Variants in BCAS3 observed in about 807,000 individuals in gnomAD.
BCAS3 encodes the protein BCAS3 microtubule associated cell migration factor.
In BCAS3, 53 loss-of-function variants were observed where a neutral mutation model predicts 116.1. The observed-to-expected ratio is 0.46, with a 90% CI of 0.37 to 0.57. The LOEUF (loss-of-function observed/expected upper bound fraction) is 0.57. Among genes scored for constraint, BCAS3 ranks in the 20% least tolerant of loss-of-function variants. The pLI is 0.00. For synonymous variants in BCAS3, 391 were observed against 408.2 expected (o/e 0.96, Z 0.51); for missense variants, 917 against 1,165.4 (o/e 0.79, Z 3.10).
At chr17:61,067,277 A>AGG (rs2070753180) in intron 19 of BCAS3, among the ~76,000 whole-genome samples, 1 of 82,780 alleles carries the variant, frequency 1.2e-5, no homozygotes, top group Admixed American at 1.1e-4. Context: ...GTATGTGTAT[A>AGG]TATATATATA....
At chr17:60,942,566 G>T (rs1008646644) in intron 13 of BCAS3, among the ~76,000 whole-genome samples, 1 of 152,046 alleles carries the variant, frequency 6.6e-6, no homozygotes, top group Non-Finnish European at 1.5e-5. Context: ...ATTGTTGTAG[G>T]TTTAATAATT....
At chr17:61,197,588 A>G (rs1023084530) in intron 22 of BCAS3, among the ~76,000 whole-genome samples, 1 of 152,208 alleles carries the variant, frequency 6.6e-6, no homozygotes, top group Non-Finnish European at 1.5e-5. Context: ...TGATCATCTC[A>G]GATACCTCCT....
intron 15 of BCAS3, among the ~76,000 whole-genome samples, chr17:60,997,580 T>C (rs1234063681): frequency 6.6e-6 from 1 of 152,148 alleles, no homozygotes; most frequent in Non-Finnish European, 1.5e-5. Context: ...AGTTAGTAAA[T>C]TTTTGTTGAA....
chr17:61,328,447 G>T (rs1198113899), intron 22 of BCAS3, among the ~76,000 whole-genome samples: 2 of 152,190 alleles, frequency 1.3e-5, no homozygotes, highest in Non-Finnish European at 2.9e-5. Flanking sequence ...ATTTCTCACA[G>T]TTCTGGAAGC....
At chr17:60,865,214 A>G (rs1028505532) in intron 7 of BCAS3, among the ~76,000 whole-genome samples, 7 of 152,170 alleles carry the variant, frequency 4.6e-5, no homozygotes, top group African/African-American at 1.7e-4. Context: ...AAAAAATGCA[A>G]TATCTGTAAA....
chr17:61,103,397 C>G (rs1358578538), intron 22 of BCAS3, among the ~76,000 whole-genome samples: 2 of 152,006 alleles, frequency 1.3e-5, no homozygotes, highest in African/African-American at 4.8e-5. Context: ...TACTCTAACT[C>G]CAGGAACTCC....
chr17:61,191,225 C>T (rs1601818836), intron 22 of BCAS3, among the ~76,000 whole-genome samples: 1 of 152,236 alleles, frequency 6.6e-6, no homozygotes, highest in East Asian at 1.9e-4. Context: ...CTGATTGCAC[C>T]ACTGCACTCC....
chr17:60,792,313 C>T (rs908141364), intron 6 of BCAS3, among the ~76,000 whole-genome samples: 9 of 152,218 alleles, frequency 5.9e-5, no homozygotes, highest in Admixed American at 2.6e-4. Context: ...GCATGGGCCT[C>T]GTGCTGGCAC....
rs893937249 is a variant in BCAS3, at chr17:61,124,184, G to A, written c.2425+39620G>A. 3.3e-5 allele frequency among the ~76,000 whole-genome samples: 5 copies of A among 151,974 alleles called. No individual in the cohort carries two copies. Among genetic ancestry groups the A allele is most frequent in the African/African-American group, 1.2e-4 (5 of 41,464 alleles). ...TTGTGTTTGTTTATTTAACACCAAT[G>A]GTTTCCTATTGGCTTCTTTAGCTGG... On this transcript the variant is annotated intron_variant, in intron 22 of 23. Transcript: ENST00000407086. The surrounding 1 kb of genome is among the most constrained non-coding windows in gnomAD (Gnocchi z 4.6).
intron 22 of BCAS3, among the ~76,000 whole-genome samples, chr17:61,094,258 T>C (rs1426824620): frequency 6.6e-6 from 1 of 152,252 alleles, no homozygotes; most frequent in African/African-American, 2.4e-5. Context: ...TAATATTCTG[T>C]ATATCAAGTG....
intron 9 of BCAS3, among the ~76,000 whole-genome samples, chr17:60,880,291 GTTGT>G (rs1001610908): frequency 2.7e-5 from 4 of 150,936 alleles, no homozygotes; most frequent in Middle Eastern, 3.4e-3. Flanking sequence ...TATTGTTGTT[GTTGT>G]TTGTGTTTTT....
At chr17:61,351,706 C>A (rs781767987) in intron 22 of BCAS3, among the ~76,000 whole-genome samples, 2 of 152,188 alleles carry the variant, frequency 1.3e-5, no homozygotes, top group South Asian at 2.1e-4. Flanking sequence ...CATCTCTCCC[C>A]CTTCCGCATC....
In BCAS3 at chr17:61,239,195, A is replaced by AGT. The variant is rs1276160595; in HGVS notation, c.2426-129131_2426-129130dup. Among the ~76,000 whole-genome samples, 1 of 152,224 alleles carries AGT rather than the reference A, an allele frequency of 6.6e-6. No homozygotes were observed. The highest frequency in any genetic ancestry group is 6.5e-5 in the Admixed American group (1 of 15,290). Reference sequence around the variant, plus strand: ...AAGGAATAAAATAGCAGGTTACCATAGTATAGATAGTAGGAGTTGATTGGC... The same window carrying AGT: ...AAGGAATAAAATAGCAGGTTACCATAGTGTATAGATAGTAGGAGTTGATTGGC... On this transcript the variant is annotated intron_variant, in intron 22 of 23. Transcript: ENST00000407086. The surrounding 1 kb of genome is among the most constrained non-coding windows in gnomAD (Gnocchi z 4.2).
intron 22 of BCAS3, among the ~76,000 whole-genome samples, chr17:61,179,702 C>T (rs1015847465): frequency 6.6e-6 from 1 of 152,158 alleles, no homozygotes; most frequent in Non-Finnish European, 1.5e-5. Context: ...TTTTGCCCAA[C>T]ATTGGCTTTA....
chr17:61,001,183 T>G (rs2064213051), intron 15 of BCAS3, among the ~76,000 whole-genome samples: 1 of 152,146 alleles, frequency 6.6e-6, no homozygotes, highest in Non-Finnish European at 1.5e-5. Context: ...TGGAAGTAGT[T>G]GATGAGACTC....
In BCAS3 at chr17:60,961,966, C is replaced by T. The variant is rs932935905; in HGVS notation, c.1221+14614C>T. Among the ~76,000 whole-genome samples the T allele has an allele frequency of 1.3e-5, 2 of 152,166 alleles. No individual in the cohort carries two copies. Among genetic ancestry groups the T allele is most frequent in the Non-Finnish European group, 1.5e-5 (1 of 68,036 alleles). ...ATTTCACTGTGCCTGGTTTGTTTCT[C>T]TTAACATAATGGCCTCCAGTTTCAG... On this transcript the variant is annotated intron_variant, in intron 14 of 23. Coordinates refer to ENST00000407086, the MANE Select transcript of BCAS3 (RefSeq NM_017679.5). This position sits in a 1 kb window ranked among gnomAD's most constrained non-coding sequence, Gnocchi z 4.8.
Position 61,282,639 on chromosome 17 carries a change from A to C in BCAS3, c.2426-85688A>C, listed in dbSNP as rs955297988. ...TATGTTTGTATTGGTCGTTGTTAAT[A>C]AAACAGAGTATCTGGGGTGTTTGAA... On this transcript the variant is annotated intron_variant, in intron 22 of 23. Coordinates refer to ENST00000407086, the MANE Select transcript of BCAS3 (RefSeq NM_017679.5). The surrounding 1 kb of genome is among the most constrained non-coding windows in gnomAD (Gnocchi z 5.9). Among the ~76,000 whole-genome samples the C allele has an allele frequency of 6.6e-6, 1 of 152,230 alleles. No individual in the cohort carries two copies. The highest frequency in any genetic ancestry group is 1.5e-5 in the Non-Finnish European group (1 of 68,040).
At chr17:61,153,055 T>A in intron 22 of BCAS3, among the ~76,000 whole-genome samples, 1 of 152,228 alleles carries the variant, frequency 6.6e-6, no homozygotes, top group South Asian at 2.1e-4. Context: ...TTTACTCCCC[T>A]GTCTGTCAGT....
chr17:61,251,570 CAAAAA>C lies in BCAS3; in HGVS notation c.2426-116747_2426-116743del, dbSNP rs35629112. ...GGGCAACAAGAGCGAAACTCCACCT[CAAAAA>C]AAAAAAAAAGAAAAGAAAGACTGGA... is the stretch of plus-strand genomic sequence containing the variant. On this transcript the variant is annotated intron_variant, in intron 22 of 23. Coordinates refer to ENST00000407086, the MANE Select transcript of BCAS3 (RefSeq NM_017679.5). This position sits in a 1 kb window ranked among gnomAD's most constrained non-coding sequence, Gnocchi z 4.7. Among the ~76,000 whole-genome samples the C allele has an allele frequency of 7.1e-6, 1 of 141,422 alleles. No individual in the cohort carries two copies. The highest frequency in any genetic ancestry group is 1.5e-5 in the Non-Finnish European group (1 of 64,832). The allele number at this position is 141,422 out of a possible 152,430, so 92.8% of individuals were successfully genotyped here.
Sources: gnomAD v4.1 joint callset for allele counts (sites outside exome capture counted in the v4.1 genomes callset) on GRCh38, gnomAD v4.1.1 for gene constraint, Gnocchi (gnomAD v3.1) non-coding constraint, MANE v1.5 for transcripts, NCBI Gene and HGNC (gene_info 2026-07-23, HGNC 2026-07-21) for gene names.